PREX2: variants seen among roughly 807,000 people sequenced by gnomAD.
PREX2 encodes the protein phosphatidylinositol 3,4,5-trisphosphate-dependent Rac exchanger 2 protein.
A neutral mutation model predicts 203.2 loss-of-function variants in PREX2; 107 were observed. The ratio of observed to expected loss-of-function variants is 0.53; its 90% CI spans 0.45 to 0.62. The LOEUF is 0.62. Ranked by LOEUF, PREX2 falls within the 20% of genes least tolerant of loss-of-function variation. The pLI is 0.00. For missense variants in PREX2, 1,777 were observed against 1,955.9 expected, an observed-to-expected ratio of 0.91 and a Z score of 1.72; for synonymous variants, 672 against 663.6, an observed-to-expected ratio of 1.01 and a Z score of -0.19.
At chr8:68,098,140 T>C (rs1810141615) in intron 22 of PREX2, among the ~76,000 whole-genome samples, 1 of 152,150 alleles carries the variant, frequency 6.6e-6, no homozygotes, top group African/African-American at 2.4e-5. Flanking sequence ...ACAAGGTAAA[T>C]CCATCAGACT....
At chr8:68,011,811 G>C (rs1216293143) in intron 1 of PREX2, among the ~76,000 whole-genome samples, 1 of 152,108 alleles carries the variant, frequency 6.6e-6, no homozygotes. Flanking sequence ...TGAGCTGTGA[G>C]ATGAGTTTGT....
At chr8:68,046,792 T>G (rs1157480829) in intron 8 of PREX2, among the ~76,000 whole-genome samples, 10 of 152,046 alleles carry the variant, frequency 6.6e-5, no homozygotes, top group Non-Finnish European at 1.5e-5. Context: ...ACCTGGTCAC[T>G]ACAAGGTCAC....
chr8:68,130,489 CA>C (rs1810985633), intron 31 of PREX2, among the ~76,000 whole-genome samples: 1 of 152,172 alleles, frequency 6.6e-6, no homozygotes, highest in South Asian at 2.1e-4. Flanking sequence ...AGCACCTACT[CA>C]GTGCCAGACA....
intron 39 of PREX2, among the ~76,000 whole-genome samples, chr8:68,227,198 G>C (rs1813072387): frequency 6.6e-6 from 1 of 152,168 alleles, no homozygotes; most frequent in Non-Finnish European, 1.5e-5. Context: ...TGAAGCAGGA[G>C]CTTAAAAAAA....
Position 68,087,751 on chromosome 8 carries a change from T to C in PREX2, c.2055T>C (p.Asp685=). ...RETVKIPDSA[D]GLGFQIRGFG... ...CAGTGAAAATTCCAGATTCAGCTGA[T>C]GGACTTGGCTTCCAGATCCGGGGAT... Residue 685 remains aspartate, a synonymous_variant, in exon 19 of 40, where the codon GAT becomes GAC. Transcript: ENST00000288368. 1 of 1,613,842 alleles carries C rather than the reference T, an allele frequency of 6.2e-7. No homozygotes were observed. The highest frequency in any genetic ancestry group is 8.5e-7 in the Non-Finnish European group (1 of 1,179,706).
At chr8:68,119,719 AT>A (rs1278690334) in intron 28 of PREX2, among the ~76,000 whole-genome samples, 1 of 152,076 alleles carries the variant, frequency 6.6e-6, no homozygotes, top group African/African-American at 2.4e-5. Flanking sequence ...AATATCAAGT[AT>A]TTTACAGTCC....
intron 37 of PREX2, among the ~76,000 whole-genome samples, chr8:68,206,296 C>A (rs115445568): frequency 6.6e-6 from 1 of 152,180 alleles, no homozygotes; most frequent in Non-Finnish European, 1.5e-5. Flanking sequence ...ACAGCTAGTA[C>A]AGTTCTAGCA....
At chr8:68,231,285 A>C (rs2280636) in intron 39 of PREX2, 48 bp from the exon 40 acceptor site, 391,268 of 1,402,194 alleles carry the variant, frequency 0.28, 57,403 homozygotes, top group South Asian at 0.42. Flanking sequence ...CACCTCATGT[A>C]ATGGTAATAC....
rs138269517 is a variant in PREX2, at chr8:68,126,272, G to T, written c.3725-1106G>T. 2.0e-3 allele frequency among the ~76,000 whole-genome samples: 309 copies of T among 152,154 alleles called. 2 individuals carry two copies. Among genetic ancestry groups the T allele is most frequent in the Non-Finnish European group, 3.8e-3 (257 of 67,948 alleles). ...TCTATACCAACTTTGGCCAGATTCA[G>T]ATTACAATAATAACAGTCTTCACCT... On this transcript the variant is annotated intron_variant, in intron 30 of 39. Coordinates refer to ENST00000288368, the MANE Select transcript of PREX2 (RefSeq NM_024870.4).
At chr8:68,112,474 C>T (rs1185684693) in intron 25 of PREX2, among the ~76,000 whole-genome samples, 2 of 151,624 alleles carry the variant, frequency 1.3e-5, no homozygotes, top group African/African-American at 4.9e-5. Context: ...AGTTAGTAAC[C>T]CGGGGGTTAC....
Position 68,028,184 on chromosome 8 carries a change from G to T in PREX2, c.543+861G>T, listed in dbSNP as rs980602326. On this transcript the variant is annotated intron_variant, in intron 5 of 39. Transcript: ENST00000288368. ...ATGAATTTATAGCACAGACCTATGG[G>T]AATGTGTGTATGTATGTATGCATGT... Among the ~76,000 whole-genome samples, 7 of 151,736 alleles carry T rather than the reference G, an allele frequency of 4.6e-5. No homozygotes were observed. In the East Asian group the frequency reaches 9.7e-4, roughly 21 times the overall value.
At chr8:67,974,606 T>C (rs903031800) in intron 1 of PREX2, among the ~76,000 whole-genome samples, 6 of 152,120 alleles carry the variant, frequency 3.9e-5, no homozygotes, top group Admixed American at 3.9e-4. Flanking sequence ...ATTAAAATAA[T>C]TGGGTTGGCC....
chr8:68,053,668 A>G (rs770536303), intron 9 of PREX2, among the ~76,000 whole-genome samples: 3 of 152,210 alleles, frequency 2.0e-5, no homozygotes, highest in Admixed American at 6.5e-5. Flanking sequence ...AAAGCCTCCA[A>G]TTGTTCTCAG....
intron 1 of PREX2, among the ~76,000 whole-genome samples, chr8:67,971,779 G>A (rs918990601): frequency 1.3e-5 from 2 of 152,170 alleles, no homozygotes; most frequent in Non-Finnish European, 2.9e-5. Context: ...AACTTAGGTA[G>A]AAAGCAGTCA....
At chr8:68,118,909 A>G (rs1810712127) in intron 27 of PREX2, 9 of 598,338 alleles carry the variant, frequency 1.5e-5, no homozygotes, top group Admixed American at 7.4e-5. Flanking sequence ...GTATGGTTCT[A>G]TGAAGGATTA....
intron 1 of PREX2, among the ~76,000 whole-genome samples, chr8:68,007,457 T>C (rs1046990003): frequency 1.3e-5 from 2 of 152,244 alleles, no homozygotes; most frequent in African/African-American, 4.8e-5. Flanking sequence ...ATGTGGGTGA[T>C]GTAAAATAGA....
Position 68,117,731 on chromosome 8 carries a change from A to G in PREX2, c.3327-819A>G, listed in dbSNP as rs555877932. Among the ~76,000 whole-genome samples, 3 of 152,222 alleles carry G rather than the reference A, an allele frequency of 2.0e-5. No individual in the cohort carries two copies. In the East Asian group the frequency reaches 5.8e-4, roughly 29 times the overall value. Reference sequence around the variant, plus strand: ...CCCTGTTCACACACAAACATATTGAACCTTTCTTTCCTTGGGCATTCATCA... The same window carrying G: ...CCCTGTTCACACACAAACATATTGAGCCTTTCTTTCCTTGGGCATTCATCA... On this transcript the variant is annotated intron_variant, in intron 26 of 39. Coordinates refer to ENST00000288368, the MANE Select transcript of PREX2 (RefSeq NM_024870.4).
At chr8:68,216,233 T>TTC (rs1379821527) in intron 37 of PREX2, among the ~76,000 whole-genome samples, 1 of 152,204 alleles carries the variant, frequency 6.6e-6, no homozygotes, top group African/African-American at 2.4e-5. Flanking sequence ...GACTTCTGTG[T>TTC]TAGAGCCTCA....
chr8:68,103,314 T>C (rs1810316309), intron 23 of PREX2, among the ~76,000 whole-genome samples: 1 of 152,200 alleles, frequency 6.6e-6, no homozygotes, highest in Non-Finnish European at 1.5e-5. Flanking sequence ...TATGCTTAAT[T>C]GAAATAGGAA....
Sources: allele counts gnomAD v4.1 joint callset (sites outside exome capture counted in the v4.1 genomes callset), GRCh38; gene constraint gnomAD v4.1.1; transcripts MANE v1.5; gene names NCBI Gene and HGNC (gene_info 2026-07-23, HGNC 2026-07-21).